Variants in GSE1 observed in about 807,000 individuals in gnomAD.
GSE1 encodes Gse1 coiled-coil protein.
A neutral mutation model predicts 112.6 loss-of-function variants in GSE1; 32 were observed. The ratio of observed to expected loss-of-function variants is 0.28; its 90% CI spans 0.21 to 0.38. The LOEUF is 0.38. GSE1 is among the 10% of genes least tolerant of loss of function. The pLI is 1.00. For missense variants in GSE1, 2,348 were observed against 1,699.2 expected (o/e 1.38, Z -6.71); for synonymous variants, 1,115 against 735.6 (o/e 1.52, Z -8.35).
chr16:85,477,746 G>C (rs1322068337), intron 2 of GSE1, among the ~76,000 whole-genome samples: 2 of 151,796 alleles, frequency 1.3e-5, no homozygotes. Context: ...ATTTTTAGTA[G>C]AGACGGGGTT....
At position 85,674,233 on chromosome 16, in the gene GSE1, C is replaced by G. The variant is rs373153476; in HGVS notation, c.*1694C>G. The G allele has an allele frequency of 2.0e-5, 3 of 152,328 alleles. No individual in the cohort carries two copies. The South Asian group carries it at 6.2e-4, about 31-fold the overall frequency. 9.4% of individuals were successfully genotyped at this position (152,328 alleles called of 1,614,324 possible). On this transcript the variant is annotated 3_prime_UTR_variant, in exon 16 of 16. Coordinates refer to ENST00000253458, the MANE Select transcript of GSE1 (RefSeq NM_014615.5). ...GCCCTTGGCCCTAGCCCTTGCTGCG[C>G]AGAACAGCTTGCTGGCAGCTGGCAT...
chr16:85,371,038 G>T (rs1567717441), intron 2 of GSE1, among the ~76,000 whole-genome samples: 1 of 152,196 alleles, frequency 6.6e-6, no homozygotes, highest in Non-Finnish European at 1.5e-5. Flanking sequence ...GCTCTCTTCT[G>T]GGGAGTTTGC....
intron 2 of GSE1, among the ~76,000 whole-genome samples, chr16:85,383,056 TGC>T (rs1179456088): frequency 6.8e-6 from 1 of 146,876 alleles, no homozygotes; most frequent in African/African-American, 2.7e-5. Flanking sequence ...TACATGCATG[TGC>T]GCACACACAC....
intron 1 of GSE1, among the ~76,000 whole-genome samples, chr16:85,233,735 G>C (rs770577158): frequency 3.3e-5 from 5 of 152,156 alleles, no homozygotes; most frequent in Admixed American, 6.5e-5. Flanking sequence ...GTTTTTGGAA[G>C]GAGGCAGGCA....
chr16:85,537,157 G>T (rs545473674), intron 2 of GSE1, among the ~76,000 whole-genome samples: 2 of 152,322 alleles, frequency 1.3e-5, no homozygotes, highest in African/African-American at 4.8e-5. Flanking sequence ...GCAGCGTTTG[G>T]TCGGAAGGCA....
chr16:85,391,105 C>T (rs1482048021), intron 2 of GSE1, among the ~76,000 whole-genome samples: 2 of 152,204 alleles, frequency 1.3e-5, no homozygotes, highest in South Asian at 4.1e-4. Context: ...ACCGCCCCAG[C>T]TGGCAGCCCC....
upstream of GSE1, among the ~76,000 whole-genome samples, chr16:85,608,665 CCTT>C (rs1454765868): frequency 1.3e-5 from 2 of 152,330 alleles, no homozygotes; most frequent in East Asian, 1.9e-4. Context: ...GGCCAATTAA[CCTT>C]CTCAGGTCTC....
chr16:85,263,343 G>GC (rs1907909638), intron 1 of GSE1, among the ~76,000 whole-genome samples: 1 of 152,048 alleles, frequency 6.6e-6, no homozygotes, highest in Non-Finnish European at 1.5e-5. Context: ...TGCATCAGAG[G>GC]CCCCCAGAGA....
chr16:85,363,523 G>T (rs909293516), intron 2 of GSE1, among the ~76,000 whole-genome samples: 1 of 152,198 alleles, frequency 6.6e-6, no homozygotes, highest in Non-Finnish European at 1.5e-5. Flanking sequence ...CCTCCTCCTG[G>T]CTCTTCCCAT....
intron 2 of GSE1, among the ~76,000 whole-genome samples, chr16:85,444,811 C>A (rs1221820659): frequency 1.3e-5 from 2 of 152,198 alleles, no homozygotes; most frequent in East Asian, 3.9e-4. Flanking sequence ...CAGTCCCTCT[C>A]CTCCGCCCCC....
At chr16:85,648,405 C>G (rs1247186484) in intron 2 of GSE1, 147 bp from the exon 3 acceptor site, 5 of 578,098 alleles carry the variant, frequency 8.6e-6, no homozygotes, top group African/African-American at 5.8e-5. Context: ...GCCTGCCTGT[C>G]TTGGGTGGGG....
chr16:85,231,441 TGGATGGATGGAA>T (rs1428862148), intron 1 of GSE1, among the ~76,000 whole-genome samples: 10 of 150,646 alleles, frequency 6.6e-5, no homozygotes, highest in African/African-American at 7.3e-5. Flanking sequence ...GACAGATGAA[TGGATGGATGGAA>T]GGATGGATGG....
chr16:85,643,745 G>A (rs1199909170), intron 2 of GSE1, among the ~76,000 whole-genome samples: 1 of 152,146 alleles, frequency 6.6e-6, no homozygotes, highest in Non-Finnish European at 1.5e-5. Context: ...GGCTTGGCAC[G>A]TGGTGGGGCT....
Position 85,648,721 on chromosome 16 carries a change from G to T in GSE1, c.396G>T (p.Val132=). The part of the protein sequence containing the change: ...PVVTIAPTKT[V]NGVWRSESRQ... ...TGACCATCGCTCCAACCAAAACCGT[G>T]AATGGTGTCTGGAGGAGTGAGAGCC... is the stretch of plus-strand genomic sequence containing the variant. The change falls in exon 3 of 16, where the codon GTG becomes GTT. Residue 132 remains valine (V), a synonymous_variant. Transcript: ENST00000253458. The T allele has an allele frequency of 6.2e-7, 1 of 1,606,166 alleles. No individual in the cohort carries two copies. Among genetic ancestry groups the T allele is most frequent in the Non-Finnish European group, 8.5e-7 (1 of 1,177,108 alleles).
intron 1 of GSE1, among the ~76,000 whole-genome samples, chr16:85,352,857 A>T (rs960662216): frequency 6.6e-6 from 1 of 152,226 alleles, no homozygotes; most frequent in African/African-American, 2.4e-5. Context: ...AACAAGAGTC[A>T]TGGTAGTGGG....
chr16:85,327,910 C>T (rs1179395015), intron 1 of GSE1, among the ~76,000 whole-genome samples: 2 of 152,170 alleles, frequency 1.3e-5, no homozygotes, highest in African/African-American at 2.4e-5. Flanking sequence ...TACCACATTC[C>T]TGGAGTAGGG....
chr16:85,590,143 A>G (rs909290433), intron 1 of GSE1, among the ~76,000 whole-genome samples: 4 of 151,860 alleles, frequency 2.6e-5, no homozygotes, highest in African/African-American at 9.7e-5. Context: ...TGACCCTGTG[A>G]TTGTGAGCGT....
intron 1 of GSE1, among the ~76,000 whole-genome samples, chr16:85,293,159 C>G (rs905269653): frequency 1.3e-5 from 2 of 152,124 alleles, no homozygotes; most frequent in African/African-American, 4.8e-5. Flanking sequence ...TTTGTCCCCC[C>G]ATCGCTGTAC....
At chr16:85,655,205 G>A (rs886735573) in intron 5 of GSE1, among the ~76,000 whole-genome samples, 2 of 152,184 alleles carry the variant, frequency 1.3e-5, no homozygotes, top group East Asian at 1.9e-4. Context: ...CTTGGTGACT[G>A]TACTGTCATC....
Sources: allele counts gnomAD v4.1 joint callset (sites outside exome capture counted in the v4.1 genomes callset), GRCh38; gene constraint gnomAD v4.1.1; transcripts MANE v1.5; gene names NCBI Gene and HGNC (gene_info 2026-07-23, HGNC 2026-07-21).